The following PCSK7 variants were observed in gnomAD, a reference collection of about 807,000 sequenced individuals.
PCSK7 encodes lymphoma proprotein convertase.
PCSK7 carries 38 observed loss-of-function variants against 73.3 expected under a neutral mutation model. The observed-to-expected ratio is 0.52, with a 90% confidence interval of 0.40 to 0.68. The LOEUF is 0.68. Among genes scored for constraint, PCSK7 ranks in the 30% least tolerant of loss-of-function variants. PCSK7 has a pLI of 0.00. For missense variants in PCSK7, 692 were observed against 991.5 expected (o/e 0.70, Z 4.06); for synonymous variants, 296 against 383.8 (o/e 0.77, Z 2.68).
chr11:117,230,416 G>T lies in PCSK7; in HGVS notation c.-80C>A. ...GTCACACTCATGTTGTGCAAATGGA[G>T]AAAAGGCATCACTTTCACTGTGAGT... On this transcript the variant is annotated 5_prime_UTR_variant, in exon 2 of 17. Coordinates refer to ENST00000320934, the MANE Select transcript of PCSK7 (RefSeq NM_004716.4). 1 of 152,778 alleles carries T rather than the reference G, an allele frequency of 6.5e-6. No individual in the cohort carries two copies. Among genetic ancestry groups the T allele is most frequent in the Non-Finnish European group, 1.5e-5 (1 of 68,414 alleles). 9.5% of individuals were successfully genotyped at this position (152,778 alleles called of 1,614,324 possible). A position where few individuals can be genotyped will look rare whatever the true frequency, so the allele number is the denominator to read the frequency against.
At chr11:117,213,452 TGA>T (rs2031818666) in intron 12 of PCSK7, 1 of 152,130 alleles carries the variant, frequency 6.6e-6, no homozygotes, top group South Asian at 2.1e-4. Context: ...AGCCAGCTTT[TGA>T]GAGGTGATAG....
In PCSK7 at chr11:117,205,649, C is replaced by T. The variant is rs556964286; in HGVS notation, c.*348G>A. ...GATGCGCTCCTGGCTATGGCAGGCA[C>T]CTTCTCAACTTATATGTGGGAAGGG... is the stretch of plus-strand genomic sequence containing the variant. On this transcript the variant is annotated 3_prime_UTR_variant, in exon 17 of 17. Coordinates refer to ENST00000320934, the MANE Select transcript of PCSK7 (RefSeq NM_004716.4). 2 of 264,948 alleles carry T rather than the reference C, an allele frequency of 7.5e-6. No homozygotes were observed. The highest frequency in any genetic ancestry group is 5.3e-5 in the Admixed American group (1 of 18,872). The allele number at this position is 264,948 out of a possible 1,614,324, so 16.4% of individuals were successfully genotyped here.
At position 117,219,272 on chromosome 11, in the gene PCSK7, C is replaced by T. The variant is rs530818104; in HGVS notation, c.1324-108G>A. The stretch of plus-strand genomic sequence containing the variant: ...GCTGGCTGATCCAGTCCACGCTCTC[C>T]CACTATGGCTACTGGGAATGGATTC... On this transcript the variant is annotated intron_variant, in intron 10 of 16. Transcript: ENST00000320934. 3.3e-4 allele frequency: 257 copies of T among 789,570 alleles called. 1 individual carries two copies. The South Asian group carries it at 4.0e-3, about 12-fold the overall frequency. 48.9% of individuals were successfully genotyped at this position (789,570 alleles called of 1,614,324 possible).
intron 8 of PCSK7, 115 bp downstream of exon 8, chr11:117,223,963 C>T (rs1468900915): frequency 3.5e-6 from 4 of 1,126,990 alleles, no homozygotes; most frequent in Middle Eastern, 2.0e-4. Flanking sequence ...TATCTGAGCC[C>T]AAAGAGATTA....
Position 117,204,528 on chromosome 11 carries a change from C to G in PCSK7, c.*1469G>C, listed in dbSNP as rs2031255133. The G allele has an allele frequency of 9.9e-7, 1 of 1,009,962 alleles. No individual in the cohort carries two copies. Among genetic ancestry groups the G allele is most frequent in the Non-Finnish European group, 1.5e-6 (1 of 666,246 alleles). The allele number at this position is 1,009,962 out of a possible 1,614,324, so 62.6% of individuals were successfully genotyped here. A position where few individuals can be genotyped will look rare whatever the true frequency, so the allele number is the denominator to read the frequency against. On this transcript the variant is annotated 3_prime_UTR_variant, in exon 17 of 17. Transcript: ENST00000320934. ...ACCTGGGCAGCTCCTCCCTGTGCCCCCAGCCTCAGCCCAACTTCTTACCCG... is the reference window on the plus strand; with the variant it reads ...ACCTGGGCAGCTCCTCCCTGTGCCCGCAGCCTCAGCCCAACTTCTTACCCG...
intron 12 of PCSK7, chr11:117,210,556 A>C (rs997918452): frequency 1.3e-5 from 2 of 152,100 alleles, no homozygotes; most frequent in African/African-American, 4.8e-5. Context: ...ATGGGGTTTC[A>C]CCATGTTGGC....
chr11:117,224,343 G>C, intron 7 of PCSK7, 127 bp from the exon 8 acceptor site: 2 of 922,532 alleles, frequency 2.2e-6, no homozygotes, highest in East Asian at 2.6e-5. Flanking sequence ...ACTGGGCATG[G>C]GGGAAAGATT....
rs1591808129 is a variant in PCSK7 at position 117,229,398 on chromosome 11, C to T, written c.447G>A (p.Lys149=). 1 of 1,607,210 alleles carries T rather than the reference C, an allele frequency of 6.2e-7. No individual in the cohort carries two copies. Among genetic ancestry groups the T allele is most frequent in the Middle Eastern group, 1.6e-4 (1 of 6,062 alleles). ...AKRSVHFNDP[K]YPQQWHLNNR... ...TCACCAGGTGCCATTGCTGCGGGTA[C>T]TTGGGGTCGTTGAAGTGGACGCTGC... The change falls in exon 3 of 17, where the codon AAG becomes AAA. Residue 149 remains lysine, a synonymous_variant. Coordinates refer to ENST00000320934, the MANE Select transcript of PCSK7 (RefSeq NM_004716.4).
chr11:117,220,395 A>G (rs1429126698), intron 9 of PCSK7: 1 of 152,272 alleles, frequency 6.6e-6, no homozygotes, highest in Non-Finnish European at 1.5e-5. Context: ...GGCGTGTACC[A>G]CTGCACCACA....
chr11:117,208,927 G>A lies in PCSK7; in HGVS notation c.1661C>T (p.Ser554Phe), dbSNP rs1312741778. The part of the protein sequence containing the change: ...LKLFCPSGMM[S>F]LIGAPRSMDS... The stretch of plus-strand genomic sequence containing the variant: ...CATGCTGCGGGGGGCGCCGATGAGG[G>A]ACATCATGCCACTGGGGCAGAACAG... Residue 554 changes from serine to phenylalanine, a missense_variant, in exon 13 of 17, where the codon TCC becomes TTC. Ser to Phe is a radical substitution (Grantham distance 155, BLOSUM62 -2). Around this residue, in one of 6 missense-constraint regions of PCSK7, gnomAD observed 20 missense variants for 32.1 expected, o/e 0.62. Coordinates refer to ENST00000320934, the MANE Select transcript of PCSK7 (RefSeq NM_004716.4). The A allele has an allele frequency of 1.9e-6, 3 of 1,612,842 alleles. No individual in the cohort carries two copies. The highest frequency in any genetic ancestry group is 1.1e-5 in the South Asian group (1 of 90,776).
intron 8 of PCSK7, chr11:117,223,724 T>G: frequency 2.8e-6 from 1 of 355,966 alleles, no homozygotes. Context: ...AATAAACACA[T>G]GCTAACTGGG....
intron 9 of PCSK7, chr11:117,221,800 A>C (rs2032202285): frequency 6.6e-6 from 1 of 152,200 alleles, no homozygotes; most frequent in African/African-American, 2.4e-5. Flanking sequence ...GAGTTCTGCT[A>C]GAGGGTGGAG....
intron 3 of PCSK7, among the ~76,000 whole-genome samples, chr11:117,228,761 C>T (rs2032527737): frequency 6.6e-6 from 1 of 152,108 alleles, no homozygotes; most frequent in Non-Finnish European, 1.5e-5. Context: ...GCTGCGACTA[C>T]AGGCGCCTGC....
chr11:117,228,277 A>G lies in PCSK7; in HGVS notation c.542T>C (p.Val181Ala). The stretch of plus-strand genomic sequence containing the variant: ...TCCGTCATCCACTACCACCACCGTC[A>G]CCCCTCGCCCAGTCACATTGCGTTC... ...VWERNVTGRG[V>A]TVVVVDDGVE... Residue 181 changes from valine (V) to alanine (A), a missense_variant, in exon 4 of 17, where the codon GTG becomes GCG. Around this residue, in one of 6 missense-constraint regions of PCSK7, gnomAD observed 574 missense variants for 689.8 expected, o/e 0.83. Coordinates refer to ENST00000320934, the MANE Select transcript of PCSK7 (RefSeq NM_004716.4). 6.2e-7 allele frequency: 1 copy of G among 1,613,682 alleles called. No individual in the cohort carries two copies. Among genetic ancestry groups the G allele is most frequent in the Non-Finnish European group, 8.5e-7 (1 of 1,179,844 alleles).
intron 8 of PCSK7, chr11:117,223,619 T>G (rs1415682227): frequency 4.8e-6 from 2 of 418,924 alleles, no homozygotes; most frequent in Admixed American, 3.9e-5. Context: ...ACCCATCTAC[T>G]GTGGGTCACA....
chr11:117,223,665 G>A (rs192789611), intron 8 of PCSK7: 3 of 352,760 alleles, frequency 8.5e-6, no homozygotes, highest in East Asian at 5.5e-5. Context: ...GGAAAAGGCC[G>A]CAGTCCTAGT....
At chr11:117,227,122 C>G (rs202196297) in intron 5 of PCSK7, 35 bp downstream of exon 5, 398 of 1,545,892 alleles carry the variant, frequency 2.6e-4, no homozygotes, top group Non-Finnish European at 3.4e-4. Flanking sequence ...GTCACAGGAG[C>G]AGCCTACCAA....
chr11:117,226,141 C>CT (rs11419279), intron 5 of PCSK7, 120 bp from the exon 6 acceptor site: 106,400 of 568,086 alleles, frequency 0.19, 4,441 homozygotes, highest in African/African-American at 0.37. Context: ...GTACATTTTG[C>CT]TTTTTTTTTT....
At chr11:117,210,163 T>C (rs2031659410) in intron 12 of PCSK7, 1 of 152,202 alleles carries the variant, frequency 6.6e-6, no homozygotes, top group South Asian at 2.1e-4. Context: ...CCAATGTCAA[T>C]TTCTTGGTTT....
Sources: allele counts gnomAD v4.1 joint callset (sites outside exome capture counted in the v4.1 genomes callset), GRCh38; gene constraint gnomAD v4.1.1; regional missense constraint gnomAD v4.1.1; transcripts MANE v1.5; gene names NCBI Gene and HGNC (gene_info 2026-07-23, HGNC 2026-07-21).